The following DMD variants were observed in gnomAD, a reference collection of about 807,000 sequenced individuals.
DMD encodes mutant dystrophin.
DMD carries 63 observed loss-of-function variants against 330.1 expected under a neutral mutation model. The observed-to-expected ratio is 0.19, with a 90% confidence interval of 0.16 to 0.24. The LOEUF (loss-of-function observed/expected upper bound fraction) is 0.24. Ranked by LOEUF, DMD falls within the 10% of genes least tolerant of loss-of-function variation. The pLI is 1.00. For synonymous variants in DMD, 1,223 were observed against 959.8 expected (o/e 1.27, Z -5.07); for missense variants, 3,344 against 2,684.1 (o/e 1.25, Z -5.43).
At chrX:31,230,665 G>A (rs1445718847) in intron 63 of DMD, among the ~76,000 whole-genome samples, 1 of 88,452 alleles carries the variant, frequency 1.1e-5, no homozygotes, top group African/African-American at 4.7e-5. Context: ...AAAAAAAAAG[G>A]GAGAGAAGCA....
At chrX:32,998,522 T>C (rs1357653310) in intron 2 of DMD, among the ~76,000 whole-genome samples, 1 of 110,411 alleles carries the variant, frequency 9.1e-6, no homozygotes, top group Non-Finnish European at 1.9e-5. Context: ...GCAAATGGCT[T>C]TTGTAAAGAT....
At chrX:32,027,154 ACACGCACGTG>A (rs2095850904) in intron 44 of DMD, among the ~76,000 whole-genome samples, 1 of 62,090 alleles carries the variant, frequency 1.6e-5, no homozygotes, top group Non-Finnish European at 2.9e-5. Context: ...ACACACACAC[ACACGCACGTG>A]CACACACACA....
At chrX:33,247,983 T>G (rs1405230400) in intron 1 of DMD, among the ~76,000 whole-genome samples, 1 of 112,243 alleles carries the variant, frequency 8.9e-6, no homozygotes, top group African/African-American at 3.2e-5. Context: ...ATTGCCATAC[T>G]GTAAGACTCA....
rs752896185 is a variant in DMD at position 32,074,190 on chromosome X, T to C, written c.6439-105676A>G. Reference sequence around the variant, plus strand: ...ATTATATTATGATACTATTTATCTGTTCATAAACATGACCTGCCTCCCCAG... The same window carrying C: ...ATTATATTATGATACTATTTATCTGCTCATAAACATGACCTGCCTCCCCAG... On this transcript the variant is annotated intron_variant, in intron 44 of 78. Transcript: ENST00000357033. 3.6e-5 allele frequency among the ~76,000 whole-genome samples: 4 copies of C among 111,735 alleles called. No individual in the cohort carries two copies. The South Asian group carries it at 1.1e-3, about 32-fold the overall frequency.
intron 77 of DMD, among the ~76,000 whole-genome samples, chrX:31,132,269 G>T (rs1352322492): frequency 8.9e-6 from 1 of 112,314 alleles, no homozygotes; most frequent in Non-Finnish European, 1.9e-5. Flanking sequence ...ATCAGAGGAG[G>T]TATATTTCTT....
At chrX:32,815,518 T>TACACAC (rs1355168422) in intron 6 of DMD, among the ~76,000 whole-genome samples, 51 of 45,476 alleles carry the variant, frequency 1.1e-3, no homozygotes, top group African/African-American at 2.8e-3. Flanking sequence ...TATATATATA[T>TACACAC]ATACACACAC....
intron 7 of DMD, among the ~76,000 whole-genome samples, chrX:32,726,360 C>T (rs1047119089): frequency 9.0e-6 from 1 of 111,387 alleles, no homozygotes; most frequent in Non-Finnish European, 1.9e-5. Context: ...GCAGCACACC[C>T]TATCCAAAAA....
chrX:32,920,767 A>G (rs903772126), intron 2 of DMD, among the ~76,000 whole-genome samples: 7 of 112,368 alleles, frequency 6.2e-5, no homozygotes, highest in African/African-American at 1.9e-4. Flanking sequence ...CTTCCAATCT[A>G]TTGTAGGGAA....
chrX:32,917,907 G>C (rs2087987462), intron 2 of DMD, among the ~76,000 whole-genome samples: 1 of 108,479 alleles, frequency 9.2e-6, no homozygotes, highest in African/African-American at 3.4e-5. Flanking sequence ...CTTTCTGAAT[G>C]ACTCTGAAAA....
At chrX:32,337,052 T>A (rs1412822869) in intron 41 of DMD, among the ~76,000 whole-genome samples, 2 of 110,964 alleles carry the variant, frequency 1.8e-5, no homozygotes, top group African/African-American at 3.3e-5. Context: ...ATGGTGTAAG[T>A]GGGGAAAGAC....
At chrX:32,831,450 C>A (rs1169873061) in intron 4 of DMD, among the ~76,000 whole-genome samples, 1 of 110,548 alleles carries the variant, frequency 9.0e-6, no homozygotes, top group Non-Finnish European at 1.9e-5. Context: ...ATTTGCTTTA[C>A]AGAAAGAAGA....
intron 55 of DMD, among the ~76,000 whole-genome samples, chrX:31,572,350 A>G (rs951500876): frequency 1.8e-5 from 2 of 111,993 alleles, no homozygotes; most frequent in East Asian, 5.6e-4. Context: ...ATTCTTGCAT[A>G]AGAGGTAACC....
intron 52 of DMD, among the ~76,000 whole-genome samples, chrX:31,710,208 G>A (rs2084527180): frequency 9.0e-6 from 1 of 111,580 alleles, no homozygotes; most frequent in African/African-American, 3.3e-5. Flanking sequence ...GGGGGTAACA[G>A]GTAGCAATGT....
intron 34 of DMD, among the ~76,000 whole-genome samples, chrX:32,377,204 A>T (rs1014758470): frequency 1.8e-5 from 2 of 111,618 alleles, no homozygotes. Context: ...AATTTTCATC[A>T]CACTCAGTAC....
intron 13 of DMD, among the ~76,000 whole-genome samples, chrX:32,590,620 G>A (rs1453907264): frequency 1.8e-5 from 2 of 111,623 alleles, no homozygotes; most frequent in African/African-American, 3.3e-5. Flanking sequence ...TGTGCCCTGC[G>A]GGGCAGTTGG....
At chrX:31,932,035 T>C (rs2094861216) in intron 46 of DMD, 45 bp downstream of exon 46, 1 of 1,189,890 alleles carries the variant, frequency 8.4e-7, no homozygotes, top group African/African-American at 1.8e-5. Context: ...TTCATATACT[T>C]CTTTATGCAA....
chrX:33,092,490 C>G (rs188286252), intron 1 of DMD, among the ~76,000 whole-genome samples: 4 of 111,397 alleles, frequency 3.6e-5, no homozygotes, highest in African/African-American at 1.3e-4. Context: ...AAAAAATTCC[C>G]TTTTCCTGAA....
chrX:32,116,864 C>T (rs1301133313), intron 44 of DMD, among the ~76,000 whole-genome samples: 1 of 111,745 alleles, frequency 8.9e-6, no homozygotes, highest in Non-Finnish European at 1.9e-5. Flanking sequence ...TTTTCAAAAC[C>T]CTTGTTAAAA....
chrX:32,011,891 T>C (rs188873232), intron 44 of DMD, among the ~76,000 whole-genome samples: 4 of 111,986 alleles, frequency 3.6e-5, no homozygotes, highest in African/African-American at 1.3e-4. Context: ...CTCTTTATTA[T>C]TATTGTTTTT....
Sources: allele counts gnomAD v4.1 joint callset (sites outside exome capture counted in the v4.1 genomes callset), GRCh38; gene constraint gnomAD v4.1.1; transcripts MANE v1.5; gene names NCBI Gene and HGNC (gene_info 2026-07-23, HGNC 2026-07-21).